LYRM1: variants seen among roughly 807,000 people sequenced by gnomAD.
The protein encoded by LYRM1 is LYR motif containing 1.
In LYRM1, 14 loss-of-function variants were observed where a neutral mutation model predicts 14.9. That is an observed-to-expected ratio of 0.94 (90% confidence interval 0.62 to 1.47). LYRM1 has a LOEUF of 1.47. Among genes scored for constraint, LYRM1 ranks in the 40% most tolerant of loss-of-function variants. The pLI is 0.00. For missense variants in LYRM1, 153 were observed against 149.9 expected, an observed-to-expected ratio of 1.02 and a Z score of -0.11; for synonymous variants, 43 against 56.2, an observed-to-expected ratio of 0.77 and a Z score of 1.05.
At chr16:20,906,207 C>T (rs1355567061) in intron 1 of LYRM1, among the ~76,000 whole-genome samples, 4 of 152,048 alleles carry the variant, frequency 2.6e-5, no homozygotes, top group South Asian at 2.1e-4. Flanking sequence ...TGCACATAGC[C>T]GGGACACTGA....
intron 2 of LYRM1, among the ~76,000 whole-genome samples, chr16:20,917,274 A>T (rs1245690511): frequency 6.6e-6 from 1 of 152,186 alleles, no homozygotes; most frequent in Non-Finnish European, 1.5e-5. Flanking sequence ...AGGTCCTTAA[A>T]CAATCCTCTA....
intron 1 of LYRM1, chr16:20,902,676 C>T (rs1240058342): frequency 1.3e-5 from 2 of 152,204 alleles, no homozygotes; most frequent in Non-Finnish European, 2.9e-5. Context: ...CTCTTCCCTC[C>T]CTCCCTCTCC....
chr16:20,900,329 T>A (rs1457827809), upstream of LYRM1: 1 of 151,454 alleles, frequency 6.6e-6, no homozygotes, highest in Non-Finnish European at 1.5e-5. Context: ...CGCCTCTTCT[T>A]CCACCACTGC....
At chr16:20,919,463 A>G (rs2083075407) in intron 2 of LYRM1, among the ~76,000 whole-genome samples, 1 of 152,216 alleles carries the variant, frequency 6.6e-6, no homozygotes, top group African/African-American at 2.4e-5. Context: ...AAAATGCATG[A>G]ATCTATGCCT....
intron 1 of LYRM1, among the ~76,000 whole-genome samples, chr16:20,906,715 T>C (rs2082337333): frequency 6.6e-6 from 1 of 152,222 alleles, no homozygotes; most frequent in South Asian, 2.1e-4. Flanking sequence ...TCATCTCTGC[T>C]CTTAAATTCC....
intron 2 of LYRM1, among the ~76,000 whole-genome samples, chr16:20,917,701 T>C (rs2082978138): frequency 6.6e-6 from 1 of 152,068 alleles, no homozygotes; most frequent in Admixed American, 6.6e-5. Flanking sequence ...GAGGTTACAG[T>C]GAGCCAAGAT....
intron 2 of LYRM1, among the ~76,000 whole-genome samples, chr16:20,916,596 A>G (rs1050947792): frequency 1.3e-5 from 2 of 152,184 alleles, no homozygotes; most frequent in Admixed American, 6.5e-5. Context: ...TGCAACATGC[A>G]GCCACCTTGT....
At chr16:20,920,439 G>T in intron 3 of LYRM1, 1 of 495,654 alleles carries the variant, frequency 2.0e-6, no homozygotes, top group Non-Finnish European at 3.6e-6. Flanking sequence ...ACGTATGGAA[G>T]GGAAAACCAG....
At chr16:20,909,271 G>A (rs183484434) in intron 1 of LYRM1, among the ~76,000 whole-genome samples, 1 of 152,268 alleles carries the variant, frequency 6.6e-6, no homozygotes, top group East Asian at 1.9e-4. Flanking sequence ...TGATTTTTAA[G>A]AAAAGAGACC....
At chr16:20,923,721 G>A (rs1367034255) in intron 3 of LYRM1, among the ~76,000 whole-genome samples, 4 of 152,064 alleles carry the variant, frequency 2.6e-5, no homozygotes, top group Non-Finnish European at 5.9e-5. Context: ...CACAGGCTCT[G>A]GAATCTGACA....
intron 3 of LYRM1, among the ~76,000 whole-genome samples, chr16:20,922,899 G>GT (rs1395682153): frequency 2.0e-5 from 3 of 152,280 alleles, no homozygotes; most frequent in East Asian, 3.9e-4. Flanking sequence ...GTATTACTCA[G>GT]TTTGAGTCCA....
At chr16:20,903,243 G>A (rs748110759) in intron 1 of LYRM1, among the ~76,000 whole-genome samples, 6 of 152,164 alleles carry the variant, frequency 3.9e-5, no homozygotes, top group Non-Finnish European at 8.8e-5. Flanking sequence ...TGAAAAATCC[G>A]ACAATCTGAC....
intron 1 of LYRM1, among the ~76,000 whole-genome samples, chr16:20,913,396 T>G (rs1017008080): frequency 2.0e-5 from 3 of 150,988 alleles, no homozygotes; most frequent in African/African-American, 4.9e-5. Flanking sequence ...CACTGCAACC[T>G]TCACCTCCTG....
intron 1 of LYRM1, among the ~76,000 whole-genome samples, chr16:20,907,508 G>T (rs553466150): frequency 6.6e-6 from 1 of 152,138 alleles, no homozygotes; most frequent in Non-Finnish European, 1.5e-5. Context: ...TTATAGGCAT[G>T]AGCCACCATG....
chr16:20,911,024 A>G (rs1205502509), intron 1 of LYRM1, among the ~76,000 whole-genome samples: 1 of 152,224 alleles, frequency 6.6e-6, no homozygotes, highest in Non-Finnish European at 1.5e-5. Flanking sequence ...ACCAGGAAAA[A>G]TGTCATCATC....
At chr16:20,915,505 A>C in intron 1 of LYRM1, 51 bp from the exon 2 acceptor site, 1 of 1,547,720 alleles carries the variant, frequency 6.5e-7, no homozygotes, top group Middle Eastern at 1.7e-4. Context: ...GCCTCCTGTC[A>C]AGTTGCATTT....
intron 3 of LYRM1, chr16:20,920,447 C>T: frequency 2.0e-6 from 1 of 488,264 alleles, no homozygotes; most frequent in East Asian, 3.4e-5. Flanking sequence ...AAGGGAAAAC[C>T]AGCTCACACT....
chr16:20,910,064 A>G (rs1269156597), intron 1 of LYRM1, among the ~76,000 whole-genome samples: 1 of 152,222 alleles, frequency 6.6e-6, no homozygotes, highest in Non-Finnish European at 1.5e-5. Flanking sequence ...TGAGACATCC[A>G]TATTTTCACT....
At chr16:20,910,686 C>T (rs556011690) in intron 1 of LYRM1, among the ~76,000 whole-genome samples, 1 of 152,174 alleles carries the variant, frequency 6.6e-6, no homozygotes, top group Admixed American at 6.5e-5. Flanking sequence ...AGGCAGGAGG[C>T]TCACTCGAGC....
Sources: gnomAD v4.1 joint callset for allele counts (sites outside exome capture counted in the v4.1 genomes callset) on GRCh38, gnomAD v4.1.1 for gene constraint, MANE v1.5 for transcripts, NCBI Gene and HGNC (gene_info 2026-07-23, HGNC 2026-07-21) for gene names.